DHX32: variants seen among roughly 807,000 people sequenced by gnomAD.
DHX32 encodes putative pre-mRNA-splicing factor ATP-dependent RNA helicase DHX32.
Under a neutral mutation model 70.0 loss-of-function variants are expected in DHX32, and 51 were observed. The ratio of observed to expected loss-of-function variants is 0.73; its 90% CI spans 0.58 to 0.92. DHX32 has a LOEUF of 0.92. Ranked by LOEUF, DHX32 falls within the 40% of genes least tolerant of loss-of-function variation. The pLI is 0.00. For synonymous variants in DHX32, 310 were observed against 315.3 expected (o/e 0.98, Z 0.18); for missense variants, 762 against 891.8 (o/e 0.85, Z 1.85).
chr10:125,868,531 G>A (rs912131320), intron 1 of DHX32, among the ~76,000 whole-genome samples: 6 of 152,250 alleles, frequency 3.9e-5, no homozygotes, highest in Admixed American at 6.5e-5. Context: ...AGGACTGAAA[G>A]GCAAATGCAC....
intron 6 of DHX32, among the ~76,000 whole-genome samples, chr10:125,851,446 T>G (rs1172093380): frequency 6.6e-6 from 1 of 152,036 alleles, no homozygotes; most frequent in Non-Finnish European, 1.5e-5. Context: ...CACCAAGCCT[T>G]CCTTTTCTTC....
upstream of DHX32, among the ~76,000 whole-genome samples, chr10:125,881,741 C>T (rs933380820): frequency 3.3e-5 from 5 of 152,156 alleles, no homozygotes; most frequent in African/African-American, 9.7e-5. Context: ...ACCTCCCAGG[C>T]TGTTTTCCCC....
chr10:125,841,064 G>T (rs1854864182), intron 7 of DHX32, 68 bp from the exon 8 acceptor site: 6 of 1,536,580 alleles, frequency 3.9e-6, no homozygotes, highest in Non-Finnish European at 3.5e-6. Context: ...AACATGCAGA[G>T]GGGAGGGGTC....
At chr10:125,846,767 G>A (rs764915273) in intron 6 of DHX32, among the ~76,000 whole-genome samples, 53 of 152,252 alleles carry the variant, frequency 3.5e-4, no homozygotes, top group Middle Eastern at 3.4e-3. Flanking sequence ...CTGGTTCAGG[G>A]TGGGCAGCTT....
intron 7 of DHX32, 175 bp from the exon 8 acceptor site, chr10:125,841,171 A>G: frequency 7.1e-7 from 1 of 1,411,818 alleles, no homozygotes; most frequent in Non-Finnish European, 9.8e-7. Flanking sequence ...GAGTCATCCT[A>G]ATTCTCCCTC....
In DHX32 at chr10:125,840,911, A is replaced by G. The variant is rs1484517071; in HGVS notation, c.1629T>C (p.Asp543=). The part of the protein sequence containing the change: ...CWKTFLHPEG[D]HFTLISIYKA... ...TGTAAATGCTGATGAGGGTAAAGTG[A>G]TCTCCTTCGGGATGTAAAAATGTCT... is the stretch of plus-strand genomic sequence containing the variant. The change falls in exon 8 of 11, where the codon GAT becomes GAC. Residue 543 remains aspartate, a synonymous_variant. Transcript: ENST00000284690. 6.2e-7 allele frequency: 1 copy of G among 1,612,312 alleles called. No homozygotes were observed. The highest frequency in any genetic ancestry group is 8.5e-7 in the Non-Finnish European group (1 of 1,178,464).
chr10:125,895,420 C>G (rs1013299522), intron 1 of DHX32, among the ~76,000 whole-genome samples: 6 of 152,364 alleles, frequency 3.9e-5, no homozygotes, highest in African/African-American at 1.4e-4. Context: ...TGCAGCCCCC[C>G]ACACCCTTAA....
chr10:125,842,123 G>A, intron 6 of DHX32, 189 bp from the exon 7 acceptor site: 1 of 746,394 alleles, frequency 1.3e-6, no homozygotes. Context: ...CAGGAGGGGA[G>A]CCCTGTGATT....
Position 125,866,843 on chromosome 10 carries a change from G to C in DHX32, c.476+147C>G, listed in dbSNP as rs1018742947. 5.1e-5 allele frequency: 39 copies of C among 761,988 alleles called. 1 individual carries two copies. In the African/African-American group the frequency reaches 6.4e-4, roughly 13 times the overall value. 47.2% of individuals were successfully genotyped at this position (761,988 alleles called of 1,614,324 possible). ...ATGATGCCAGTGTGGGAAAGCAACT[G>C]TTGCTGGCTGGCTGATGACAGAGAC... On this transcript the variant is annotated intron_variant, in intron 2 of 10. Transcript: ENST00000284690. The surrounding 1 kb of genome is among the most constrained non-coding windows in gnomAD (Gnocchi z 4.8).
At chr10:125,842,918 T>G (rs892000948) in intron 6 of DHX32, 4 of 395,468 alleles carry the variant, frequency 1.0e-5, no homozygotes, top group Non-Finnish European at 1.4e-5. Context: ...TTTAAAGAAA[T>G]ATATTCTCTT....
At chr10:125,889,741 A>G (rs1253506579) in intron 1 of DHX32, among the ~76,000 whole-genome samples, 1 of 152,258 alleles carries the variant, frequency 6.6e-6, no homozygotes, top group Non-Finnish European at 1.5e-5. Flanking sequence ...AACAATAACA[A>G]TGATGATAAT....
intron 1 of DHX32, among the ~76,000 whole-genome samples, chr10:125,891,655 T>C (rs112478671): frequency 1.9e-4 from 29 of 148,936 alleles, no homozygotes; most frequent in African/African-American, 5.0e-4. Context: ...GTAGTCATTT[T>C]ACATGAACTT....
rs1406306451 is a variant in DHX32, at chr10:125,859,951, T to C, written c.501A>G (p.Gln167=). The change falls in exon 3 of 11, where the codon CAA becomes CAG. Residue 167 remains glutamine, a synonymous_variant. Coordinates refer to ENST00000284690, the MANE Select transcript of DHX32 (RefSeq NM_018180.3). The part of the protein sequence containing the change: ...ILRYCTDDML[Q]REMMSNPFLG... ...AAAAAGGATTGGACATCATTTCTCT[T>C]TGCAGCATATCATCAGTACAATACC... The C allele has an allele frequency of 6.2e-7, 1 of 1,605,826 alleles. No individual in the cohort carries two copies. Among genetic ancestry groups the C allele is most frequent in the East Asian group, 2.2e-5 (1 of 44,828 alleles).
At chr10:125,867,735 C>CAA (rs1255031059) in intron 1 of DHX32, among the ~76,000 whole-genome samples, 51 of 56,388 alleles carry the variant, frequency 9.0e-4, no homozygotes, top group Middle Eastern at 8.5e-3. Flanking sequence ...GACTCCGTCT[C>CAA]AAAAAAAAAA....
chr10:125,879,930 C>G (rs1026061862), intron 1 of DHX32, among the ~76,000 whole-genome samples: 4 of 152,210 alleles, frequency 2.6e-5, no homozygotes, highest in African/African-American at 9.6e-5. Flanking sequence ...AGATGTGAGC[C>G]ACTGTGCCTG....
intron 3 of DHX32, among the ~76,000 whole-genome samples, chr10:125,857,670 C>T (rs998380393): frequency 6.6e-6 from 1 of 152,166 alleles, no homozygotes; most frequent in African/African-American, 2.4e-5. Flanking sequence ...TCAAAAGTCA[C>T]TCTACAATTA....
At chr10:125,838,490 G>T in intron 9 of DHX32, 103 bp from the exon 10 acceptor site, 1 of 1,098,408 alleles carries the variant, frequency 9.1e-7, no homozygotes, top group Non-Finnish European at 1.2e-6. Context: ...ATACGGGATA[G>T]TTAAAACTAA....
At chr10:125,851,926 A>C in intron 6 of DHX32, among the ~76,000 whole-genome samples, 1 of 150,630 alleles carries the variant, frequency 6.6e-6, no homozygotes, top group Admixed American at 6.6e-5. Flanking sequence ...GTCTCAAAAA[A>C]AAAAAAAAAA....
intron 4 of DHX32, 186 bp downstream of exon 4, chr10:125,853,775 A>T: frequency 1.6e-6 from 1 of 624,182 alleles, no homozygotes; most frequent in Non-Finnish European, 2.6e-6. Context: ...AACCTCCAAC[A>T]TGCTAATGGA....
Sources: allele counts gnomAD v4.1 joint callset (sites outside exome capture counted in the v4.1 genomes callset), GRCh38; gene constraint gnomAD v4.1.1; non-coding constraint Gnocchi (gnomAD v3.1); transcripts MANE v1.5; gene names NCBI Gene and HGNC (gene_info 2026-07-23, HGNC 2026-07-21).